The following CRPPA variants were observed in gnomAD, a reference collection of about 807,000 sequenced individuals.
CRPPA encodes the protein D-ribitol-5-phosphate cytidylyltransferase.
A neutral mutation model predicts 52.0 loss-of-function variants in CRPPA; 43 were observed. The ratio of observed to expected loss-of-function variants is 0.83; its 90% CI spans 0.65 to 1.07. The LOEUF is 1.07. CRPPA is among the 50% of genes least tolerant of loss of function. The pLI is 0.00. For missense variants in CRPPA, 629 were observed against 551.7 expected (o/e 1.14, Z -1.40); for synonymous variants, 250 against 203.5 (o/e 1.23, Z -1.94).
chr7:16,240,494 T>C (rs896215821), intron 8 of CRPPA, among the ~76,000 whole-genome samples: 1 of 151,550 alleles, frequency 6.6e-6, no homozygotes, highest in African/African-American at 2.4e-5. Flanking sequence ...TAGGCTACAG[T>C]AGCAATAAGG....
intron 9 of CRPPA, among the ~76,000 whole-genome samples, chr7:16,199,117 G>T (rs1333955158): frequency 6.6e-6 from 1 of 152,168 alleles, no homozygotes; most frequent in East Asian, 1.9e-4. Context: ...ACATTGAGAA[G>T]CATTGACCTG....
chr7:16,149,991 AAAAG>A (rs1783046751), intron 9 of CRPPA, among the ~76,000 whole-genome samples: 2 of 152,068 alleles, frequency 1.3e-5, no homozygotes, highest in Admixed American at 6.5e-5. Context: ...TTAAAAAAAA[AAAAG>A]AGAGAGAAAA....
intron 9 of CRPPA, among the ~76,000 whole-genome samples, chr7:16,104,434 A>G (rs1220111952): frequency 6.6e-6 from 1 of 152,222 alleles, no homozygotes; most frequent in Admixed American, 6.5e-5. Context: ...TTACAATTAA[A>G]TGTCTCTCTG....
chr7:16,327,363 C>T lies in CRPPA; in HGVS notation c.685-18736G>A, dbSNP rs558032487. 8.6e-5 allele frequency among the ~76,000 whole-genome samples: 13 copies of T among 152,028 alleles called. No individual in the cohort carries two copies. The South Asian group carries it at 2.5e-3, about 29-fold the overall frequency. On this transcript the variant is annotated intron_variant, in intron 3 of 9. Coordinates refer to ENST00000407010, the MANE Select transcript of CRPPA (RefSeq NM_001101426.4). ...ATCCCAGCACTTTGGGAGGCCGAGG[C>T]GGGTGGATCATGAGGTCAGGAGATC...
At chr7:16,211,597 G>C (rs898379011) in intron 9 of CRPPA, among the ~76,000 whole-genome samples, 1 of 152,022 alleles carries the variant, frequency 6.6e-6, no homozygotes, top group African/African-American at 2.4e-5. Flanking sequence ...ACAGTGTTCT[G>C]CTAACCGACA....
intron 8 of CRPPA, among the ~76,000 whole-genome samples, chr7:16,234,454 A>G (rs781389409): frequency 1.3e-5 from 2 of 152,128 alleles, no homozygotes; most frequent in Admixed American, 6.6e-5. Flanking sequence ...ACGTTTTTCT[A>G]AAAGGCAAAA....
At position 16,087,563 on chromosome 7, in the gene CRPPA, G is replaced by C. The variant is rs369915144; in HGVS notation, c.*4132C>G. ...CAATAATTTATTTACATTTTGTTTTGTAAAAACAACATATTTAGAATCTTT... is the reference window on the plus strand; with the variant it reads ...CAATAATTTATTTACATTTTGTTTTCTAAAAACAACATATTTAGAATCTTT... On this transcript the variant is annotated 3_prime_UTR_variant, in exon 10 of 10. Coordinates refer to ENST00000407010, the MANE Select transcript of CRPPA (RefSeq NM_001101426.4). The C allele has an allele frequency of 7.3e-5, 11 of 151,242 alleles. No homozygotes were observed. In the East Asian group the frequency reaches 2.1e-3, roughly 29 times the overall value. The allele number at this position is 151,242 out of a possible 1,614,324, so 9.4% of individuals were successfully genotyped here.
chr7:16,352,837 A>G (rs934731647), intron 3 of CRPPA, among the ~76,000 whole-genome samples: 1 of 151,932 alleles, frequency 6.6e-6, no homozygotes, highest in African/African-American at 2.4e-5. Flanking sequence ...AGATATGGAA[A>G]CAACTTAAGC....
chr7:16,294,359 T>C (rs1407115752), intron 5 of CRPPA, among the ~76,000 whole-genome samples: 1 of 152,004 alleles, frequency 6.6e-6, no homozygotes, highest in African/African-American at 2.4e-5. Context: ...GATTTACTTG[T>C]ATATGCTTAA....
chr7:16,249,561 C>G (rs1783383345), intron 8 of CRPPA, among the ~76,000 whole-genome samples: 2 of 152,160 alleles, frequency 1.3e-5, no homozygotes, highest in South Asian at 4.1e-4. Context: ...TGTTCTGCAG[C>G]CTCTGCTGAT....
At chr7:16,271,980 C>G (rs1312313677) in intron 6 of CRPPA, among the ~76,000 whole-genome samples, 1 of 152,094 alleles carries the variant, frequency 6.6e-6, no homozygotes, top group Non-Finnish European at 1.5e-5. Flanking sequence ...TTATAAATTC[C>G]TTACTACCTT....
chr7:16,130,511 A>T (rs1233782993), intron 9 of CRPPA, among the ~76,000 whole-genome samples: 1 of 152,162 alleles, frequency 6.6e-6, no homozygotes, highest in Non-Finnish European at 1.5e-5. Flanking sequence ...TATACTATCC[A>T]TTCCTAAATT....
At chr7:16,220,045 T>G (rs1372069279) in intron 8 of CRPPA, among the ~76,000 whole-genome samples, 1 of 139,238 alleles carries the variant, frequency 7.2e-6, no homozygotes, top group Non-Finnish European at 1.6e-5. Flanking sequence ...AAATCCTCAA[T>G]AAAATACTGG....
At chr7:16,392,217 A>C (rs1787463912) in intron 2 of CRPPA, among the ~76,000 whole-genome samples, 1 of 152,134 alleles carries the variant, frequency 6.6e-6, no homozygotes, top group African/African-American at 2.4e-5. Context: ...TTCCAATCCA[A>C]CAATTCACTC....
intron 3 of CRPPA, among the ~76,000 whole-genome samples, chr7:16,321,008 A>C (rs1298473158): frequency 6.6e-6 from 1 of 152,148 alleles, no homozygotes; most frequent in Non-Finnish European, 1.5e-5. Context: ...AGAGACAATT[A>C]TATTCACGAG....
rs764406816 is a variant in CRPPA at position 16,091,788 on chromosome 7, C to T, written c.1263G>A (p.Lys421=). Residue 421 remains lysine, a synonymous_variant, in exon 10 of 10, where the codon AAG becomes AAA. Transcript: ENST00000407010. ...CACCTTGCCTTAAACTCTCCTGTAG[C>T]TTCTGATCATCCTGAAAAGAAAGGA... ...LLISYPQDDQ[K]LQESLRQGAI... is the part of the protein sequence containing the mutation. 3.8e-5 allele frequency: 58 copies of T among 1,514,266 alleles called. No individual in the cohort carries two copies. In the South Asian group the frequency reaches 6.4e-4, roughly 17 times the overall value. The allele number at this position is 1,514,266 out of a possible 1,614,324, so 93.8% of individuals were successfully genotyped here. A position where few individuals can be genotyped will look rare whatever the true frequency, so the allele number is the denominator to read the frequency against.
At chr7:16,339,155 C>T (rs1785760917) in intron 3 of CRPPA, among the ~76,000 whole-genome samples, 1 of 152,024 alleles carries the variant, frequency 6.6e-6, no homozygotes, top group South Asian at 2.1e-4. Context: ...CAATCTCTTT[C>T]AGACTATCAA....
In CRPPA at chr7:16,406,211, C is replaced by T. The variant is rs759742555; in HGVS notation, c.384G>A (p.Arg128=). ...SLVEAGVTRH[R]SIFNGLKALA... ...GTGCTTTTAGTCCATTGAAAATTGA[C>T]CTGTGGCGGGTCACTCCAGCTTCGA... The change falls in exon 2 of 10, where the codon AGG becomes AGA. Residue 128 remains arginine, a synonymous_variant. Transcript: ENST00000407010. The T allele has an allele frequency of 6.2e-7, 1 of 1,613,992 alleles. No homozygotes were observed. Among genetic ancestry groups the T allele is most frequent in the Non-Finnish European group, 8.5e-7 (1 of 1,179,892 alleles).
At chr7:16,190,591 C>T (rs1377868025) in intron 9 of CRPPA, among the ~76,000 whole-genome samples, 4 of 152,084 alleles carry the variant, frequency 2.6e-5, no homozygotes, top group Non-Finnish European at 5.9e-5. Context: ...TTAGAAAGAG[C>T]ATATTTTAAT....
Sources: gnomAD v4.1 joint callset for allele counts (sites outside exome capture counted in the v4.1 genomes callset) on GRCh38, gnomAD v4.1.1 for gene constraint, MANE v1.5 for transcripts, NCBI Gene and HGNC (gene_info 2026-07-23, HGNC 2026-07-21) for gene names.